The following CELA3B variants were observed in gnomAD, a reference collection of about 807,000 sequenced individuals.
The protein encoded by CELA3B is chymotrypsin like elastase 3B.
A neutral mutation model predicts 37.2 loss-of-function variants in CELA3B; 34 were observed. That is an observed-to-expected ratio of 0.91 (90% CI 0.70 to 1.22). The LOEUF is 1.22. Among genes scored for constraint, CELA3B ranks in the 50% most tolerant of loss-of-function variants. The pLI is 0.00. For synonymous variants in CELA3B, 127 were observed against 143.5 expected (o/e 0.89, Z 0.82); for missense variants, 340 against 363.1 (o/e 0.94, Z 0.52).
chr1:21,981,977 G>A (rs1165218292), intron 4 of CELA3B, among the ~76,000 whole-genome samples: 2 of 151,980 alleles, frequency 1.3e-5, no homozygotes, highest in East Asian at 1.9e-4. Flanking sequence ...TGCCCGCCTC[G>A]GCCTCCCAAA....
exon 5 of CELA3B, chr1:21,998,247 G>A: frequency 2.2e-6 from 1 of 464,388 alleles, no homozygotes; most frequent in Non-Finnish European, 4.5e-6. Context: ...GAGAAGTCCT[G>A]TAGGAAAGGA....
intron 6 of CELA3B, 132 bp from the exon 7 acceptor site, chr1:21,986,399 T>TA: frequency 2.9e-5 from 34 of 1,168,328 alleles, no homozygotes; most frequent in South Asian, 6.6e-5. Flanking sequence ...AATAAATGAT[T>TA]AAAAAAAATG....
intron 2 of CELA3B, among the ~76,000 whole-genome samples, chr1:21,979,287 G>A (rs1242081768): frequency 6.6e-6 from 1 of 151,706 alleles, no homozygotes; most frequent in Non-Finnish European, 1.5e-5. Context: ...GGCCAGGCCA[G>A]TCTGGAACTT....
At chr1:21,995,153 T>TTC (rs1644885308) in intron 4 of CELA3B, among the ~76,000 whole-genome samples, 1 of 146,836 alleles carries the variant, frequency 6.8e-6, no homozygotes, top group Non-Finnish European at 1.5e-5. Context: ...TCTTTTTTTT[T>TTC]TTTTTTTTGA....
chr1:21,978,307 C>A (rs1644783232), intron 1 of CELA3B, 62 bp from the exon 2 acceptor site: 2 of 1,592,706 alleles, frequency 1.3e-6, no homozygotes, highest in South Asian at 2.2e-5. Flanking sequence ...GACTGGGACC[C>A]TGGCCTCCTC....
At position 21,986,591 on chromosome 1, in the gene CELA3B, G is replaced by C; in HGVS notation, c.703G>C (p.Val235Leu). Reference sequence around the variant, plus strand: ...GGATGGTGGCTGGCAGGTCCATGGCGTGACCAGCTTTGTTTCTGCCTTTGG... The same window carrying C: ...GGATGGTGGCTGGCAGGTCCATGGCCTGACCAGCTTTGTTTCTGCCTTTGG... ...TEDGGWQVHG[V>L]TSFVSAFGCN... Residue 235 changes from valine (V) to leucine (L), a missense_variant, in exon 7 of 8, where the codon GTG becomes CTG. Physicochemically the swap from Val to Leu is conservative, Grantham distance 32 (BLOSUM62 1). Transcript: ENST00000337107. 6.2e-7 allele frequency: 1 copy of C among 1,614,060 alleles called. No individual in the cohort carries two copies. The highest frequency in any genetic ancestry group is 8.5e-7 in the Non-Finnish European group (1 of 1,180,018).
rs1295448942 is a variant in CELA3B, at chr1:21,978,375, G to C, written c.50G>C (p.Gly17Ala). The C allele has an allele frequency of 1.9e-6, 3 of 1,614,080 alleles. No homozygotes were observed. The highest frequency in any genetic ancestry group is 2.5e-6 in the Non-Finnish European group (3 of 1,179,944). ...GCTCTCCTCTCCCCTCTAGCCTCAG[G>C]CTATGGCCCACCTTCCTCTCGCCCT... Reference protein sequence around the residue: ...SSLLLVAVASGYGPPSSRPSS... With the variant: ...SSLLLVAVASAYGPPSSRPSS... Residue 17 changes from glycine to alanine, a missense_variant, in exon 2 of 8, where the codon GGC becomes GCC. Transcript: ENST00000337107.
chr1:21,991,176 AT>A (rs1644867248), downstream of CELA3B, among the ~76,000 whole-genome samples: 1 of 110,060 alleles, frequency 9.1e-6, no homozygotes, highest in Non-Finnish European at 1.9e-5. Flanking sequence ...ACTAAAAAAA[AT>A]CAAGAGATCT....
At position 21,977,039 on chromosome 1, in the gene CELA3B, C is replaced by T; in HGVS notation, c.-1C>T. On this transcript the variant is annotated 5_prime_UTR_variant, in exon 1 of 8. Transcript: ENST00000337107. Reference sequence around the variant, plus strand: ...GCCCTTTTCCTATCATCGCAAAACTCATGATGCTCCGGCTGCTCAGTTCCC... The same window carrying T: ...GCCCTTTTCCTATCATCGCAAAACTTATGATGCTCCGGCTGCTCAGTTCCC... 1 of 1,614,162 alleles carries T rather than the reference C, an allele frequency of 6.2e-7. No homozygotes were observed. The highest frequency in any genetic ancestry group is 8.5e-7 in the Non-Finnish European group (1 of 1,180,048).
chr1:21,986,474 C>G (rs1362294706), intron 6 of CELA3B, 57 bp from the exon 7 acceptor site: 1 of 1,597,800 alleles, frequency 6.3e-7, no homozygotes, highest in South Asian at 1.1e-5. Flanking sequence ...GAATTCAGAA[C>G]CAGTTCCATA....
At chr1:21,991,991 G>A (rs1247256811), downstream of CELA3B, among the ~76,000 whole-genome samples, 2 of 150,366 alleles carry the variant, frequency 1.3e-5, no homozygotes, top group Non-Finnish European at 3.0e-5. Flanking sequence ...GTGGTGGTGG[G>A]TGCCTGTAAT....
intron 2 of CELA3B, among the ~76,000 whole-genome samples, chr1:21,978,679 G>A (rs576737115): frequency 6.6e-6 from 1 of 152,160 alleles, no homozygotes; most frequent in Non-Finnish European, 1.5e-5. Flanking sequence ...GGGGGTGAAG[G>A]AAATGCTAAA....
chr1:21,996,385 T>C (rs1644890376), intron 4 of CELA3B, among the ~76,000 whole-genome samples: 1 of 150,852 alleles, frequency 6.6e-6, no homozygotes, highest in Non-Finnish European at 1.5e-5. Context: ...GCCATGAGAG[T>C]GACCTCGGGT....
At chr1:21,986,327 G>A (rs1189965052) in intron 6 of CELA3B, among the ~76,000 whole-genome samples, 2 of 151,838 alleles carry the variant, frequency 1.3e-5, no homozygotes, top group East Asian at 1.9e-4. Flanking sequence ...AATGAGCCAA[G>A]CTAGCTCCAC....
intron 4 of CELA3B, among the ~76,000 whole-genome samples, chr1:21,982,490 T>C (rs34637160): frequency 0.2 from 29,804 of 151,546 alleles, 3,868 homozygotes; most frequent in East Asian, 0.37. Context: ...CCAGCTACTC[T>C]GGAGGCTGAG....
chr1:21,996,535 C>G lies in CELA3B; in HGVS notation c.505-1616C>G, dbSNP rs184273928. Among the ~76,000 whole-genome samples the G allele has an allele frequency of 1.8e-3, 277 of 151,236 alleles. 5 individuals are homozygous for G. Among genetic ancestry groups the G allele is most frequent in the Admixed American group, 3.6e-3 (54 of 15,190 alleles). ...TGTTTAGCATATCAGCAAGAAATAA[C>G]CATAAAAAAGGGCATGTCTATGGAG... On this transcript the variant is annotated intron_variant, in intron 4 of 4. Coordinates refer to the CELA3B transcript ENST00000400277.
chr1:21,977,911 G>A (rs1299284865), intron 1 of CELA3B: 1 of 344,052 alleles, frequency 2.9e-6, no homozygotes, highest in African/African-American at 2.4e-5. Flanking sequence ...GTCTTGCTAT[G>A]TTGCCCAGGC....
At chr1:21,986,185 A>G (rs1362429067) in intron 6 of CELA3B, among the ~76,000 whole-genome samples, 1 of 151,384 alleles carries the variant, frequency 6.6e-6, no homozygotes, top group Non-Finnish European at 1.5e-5. Flanking sequence ...CCTGGCCAAC[A>G]TGGTGAAATC....
In CELA3B at chr1:21,977,091, C is replaced by T. The variant is rs1300235617; in HGVS notation, c.43+9C>T. On this transcript the variant is annotated intron_variant, in intron 1 of 7. Transcript: ENST00000337107. The stretch of plus-strand genomic sequence containing the variant: ...CCTCCTTGTGGCCGTTGGTAAGACC[C>T]CAACCTGTGTGTGTGCTCCCTGGGC... 2 of 1,614,144 alleles carry T rather than the reference C, an allele frequency of 1.2e-6. No individual in the cohort carries two copies. The highest frequency in any genetic ancestry group is 2.2e-5 in the South Asian group (2 of 91,086).
Sources: allele counts gnomAD v4.1 joint callset (sites outside exome capture counted in the v4.1 genomes callset), GRCh38; gene constraint gnomAD v4.1.1; transcripts MANE v1.5; gene names NCBI Gene and HGNC (gene_info 2026-07-23, HGNC 2026-07-21).